PRKCE: variants seen among roughly 807,000 people sequenced by gnomAD.
PRKCE encodes the protein protein kinase C epsilon.
PRKCE carries 16 observed loss-of-function variants against 85.4 expected under a neutral mutation model. The ratio of observed to expected loss-of-function variants is 0.19; its 90% confidence interval spans 0.13 to 0.28. PRKCE has a LOEUF of 0.28. PRKCE is among the 10% of genes least tolerant of loss of function. The pLI, the probability that PRKCE is intolerant of heterozygous loss-of-function variation, is 1.00. For synonymous variants in PRKCE, 388 were observed against 371.5 expected (o/e 1.04, Z -0.51); for missense variants, 573 against 975.2 (o/e 0.59, Z 5.49).
chr2:45,830,293 CGAGAGAGA>C (rs71912599), intron 1 of PRKCE, among the ~76,000 whole-genome samples: 6 of 146,208 alleles, frequency 4.1e-5, no homozygotes, highest in African/African-American at 7.6e-5. Context: ...CAAAAACAAA[CGAGAGAGA>C]GAGAGAGAGA....
intron 2 of PRKCE, among the ~76,000 whole-genome samples, chr2:45,955,883 G>A (rs536482652): frequency 3.3e-5 from 5 of 151,988 alleles, no homozygotes; most frequent in East Asian, 3.9e-4. Flanking sequence ...ACATACAGTC[G>A]TATAACCATT....
chr2:45,732,632 C>A (rs986027831), intron 1 of PRKCE, among the ~76,000 whole-genome samples: 1 of 152,116 alleles, frequency 6.6e-6, no homozygotes, highest in African/African-American at 2.4e-5. Flanking sequence ...GAAGTCTTCC[C>A]GGATCCTCCA....
At chr2:45,724,134 G>C (rs1170604056) in intron 1 of PRKCE, among the ~76,000 whole-genome samples, 6 of 152,110 alleles carry the variant, frequency 3.9e-5, no homozygotes, top group African/African-American at 7.2e-5. Context: ...GGAAGTTTGT[G>C]GCAAGCCTGT....
intron 14 of PRKCE, among the ~76,000 whole-genome samples, chr2:46,181,887 G>T (rs752221818): frequency 3.9e-5 from 6 of 152,082 alleles, no homozygotes; most frequent in Admixed American, 3.3e-4. Flanking sequence ...CCTCAGTGTG[G>T]TGAGTGCCAA....
At chr2:45,687,179 G>C (rs561330968) in intron 1 of PRKCE, among the ~76,000 whole-genome samples, 1 of 151,784 alleles carries the variant, frequency 6.6e-6, no homozygotes, top group Non-Finnish European at 1.5e-5. Context: ...CATAAACAAA[G>C]TCAAAAGACA....
At chr2:45,894,785 C>T (rs886563821) in intron 2 of PRKCE, among the ~76,000 whole-genome samples, 1 of 152,172 alleles carries the variant, frequency 6.6e-6, no homozygotes, top group South Asian at 2.1e-4. Context: ...TGCAATGACG[C>T]GATCTTGGCT....
chr2:45,744,467 TTC>T (rs1181751159), intron 1 of PRKCE, among the ~76,000 whole-genome samples: 3,636 of 64,036 alleles, frequency 0.057, 129 homozygotes, highest in Middle Eastern at 0.1. Flanking sequence ...CTTTCTTTCT[TTC>T]TTTCTTTCTT....
At chr2:46,061,553 A>T (rs1017348249) in intron 10 of PRKCE, among the ~76,000 whole-genome samples, 3 of 152,102 alleles carry the variant, frequency 2.0e-5, no homozygotes, top group Non-Finnish European at 2.9e-5. Context: ...TGGCTATTTT[A>T]GTAATAGAAT....
chr2:45,807,549 C>T (rs936516057), intron 1 of PRKCE, among the ~76,000 whole-genome samples: 2 of 152,206 alleles, frequency 1.3e-5, no homozygotes, highest in African/African-American at 4.8e-5. Context: ...TGGAGACGAG[C>T]AGAGTGCAAA....
intron 2 of PRKCE, among the ~76,000 whole-genome samples, chr2:45,969,656 G>C (rs1410551267): frequency 6.6e-6 from 1 of 152,146 alleles, no homozygotes; most frequent in Admixed American, 6.5e-5. Context: ...CCCCACTCCT[G>C]CAGCATGAGG....
rs1488803810 is a variant in PRKCE at position 46,001,044 on chromosome 2, T to C, written c.824-360T>C. 1 of 152,200 alleles carries C rather than the reference T, an allele frequency of 6.6e-6. No homozygotes were observed. Among genetic ancestry groups the C allele is most frequent in the Non-Finnish European group, 1.5e-5 (1 of 68,136 alleles). 9.4% of individuals were successfully genotyped at this position (152,200 alleles called of 1,614,324 possible). ...ATGTCTTACACCAAGGACAACTAAG[T>C]GAAGAGGGAAAAGCAAAGGAATTCA... On this transcript the variant is annotated intron_variant, in intron 6 of 14. Coordinates refer to ENST00000306156, the MANE Select transcript of PRKCE (RefSeq NM_005400.3). This position sits in a 1 kb window ranked among gnomAD's most constrained non-coding sequence, Gnocchi z 4.4.
intron 2 of PRKCE, among the ~76,000 whole-genome samples, chr2:45,861,026 A>G (rs1693112924): frequency 6.6e-6 from 1 of 152,088 alleles, no homozygotes; most frequent in East Asian, 1.9e-4. Flanking sequence ...TTCACTTTTG[A>G]TGATAGGGTG....
At chr2:45,661,817 G>C (rs115883638) in intron 1 of PRKCE, among the ~76,000 whole-genome samples, 21 of 152,064 alleles carry the variant, frequency 1.4e-4, no homozygotes, top group African/African-American at 4.8e-4. Flanking sequence ...GGAATTACAG[G>C]CGTGAGCTAC....
rs1478593420 is a variant in PRKCE at position 45,956,879 on chromosome 2, AT to A, written c.413-19547del. Among the ~76,000 whole-genome samples the A allele has an allele frequency of 4.6e-5, 7 of 152,208 alleles. No individual in the cohort carries two copies. In the East Asian group the frequency reaches 1.2e-3, roughly 25 times the overall value. ...ATAGTGGTATTTCACTGTCGTTTTA[AT>A]TTGCCTTTTTCTAAAACTAATGTTG... On this transcript the variant is annotated intron_variant, in intron 2 of 14. Transcript: ENST00000306156.
chr2:45,922,327 G>A (rs1029894275), intron 2 of PRKCE, among the ~76,000 whole-genome samples: 1 of 152,064 alleles, frequency 6.6e-6, no homozygotes, highest in African/African-American at 2.4e-5. Flanking sequence ...TGGACTAGAG[G>A]CCCCAAAACT....
At chr2:46,046,467 A>G (rs1231184513) in intron 10 of PRKCE, among the ~76,000 whole-genome samples, 1 of 152,266 alleles carries the variant, frequency 6.6e-6, no homozygotes, top group Admixed American at 6.5e-5. Flanking sequence ...GCTGAGGCCC[A>G]GGTGATTTTA....
chr2:45,829,085 A>C (rs1014510034), intron 1 of PRKCE, among the ~76,000 whole-genome samples: 1 of 152,104 alleles, frequency 6.6e-6, no homozygotes, highest in Non-Finnish European at 1.5e-5. Flanking sequence ...ATTTATTTAA[A>C]TAATTTTATT....
intron 11 of PRKCE, among the ~76,000 whole-genome samples, chr2:46,092,770 AATTTT>A (rs1484005488): frequency 1.3e-5 from 2 of 152,076 alleles, no homozygotes; most frequent in African/African-American, 4.8e-5. Context: ...TTGTGATGTA[AATTTT>A]AGTCCTGCCA....
intron 2 of PRKCE, among the ~76,000 whole-genome samples, chr2:45,959,416 C>T (rs556454121): frequency 3.3e-5 from 5 of 152,298 alleles, no homozygotes; most frequent in East Asian, 1.9e-4. Flanking sequence ...AGAGTTGAAC[C>T]TTTTACTTCA....
Sources: gnomAD v4.1 joint callset for allele counts (sites outside exome capture counted in the v4.1 genomes callset) on GRCh38, gnomAD v4.1.1 for gene constraint, Gnocchi (gnomAD v3.1) non-coding constraint, MANE v1.5 for transcripts, NCBI Gene and HGNC (gene_info 2026-07-23, HGNC 2026-07-21) for gene names.